The following CSPP1 variants were observed in gnomAD, a reference collection of about 807,000 sequenced individuals.
The protein encoded by CSPP1 is centrosome and spindle pole-associated protein 1.
CSPP1 carries 126 observed loss-of-function variants against 164.4 expected under a neutral mutation model. The ratio of observed to expected loss-of-function variants is 0.77; its 90% CI spans 0.66 to 0.89. CSPP1 has a LOEUF of 0.89. CSPP1 is among the 40% of genes least tolerant of loss of function. The pLI, the probability that CSPP1 is intolerant of heterozygous loss-of-function variation, is 0.00. For synonymous variants in CSPP1, 472 were observed against 476.7 expected (o/e 0.99, Z 0.13); for missense variants, 1,395 against 1,449.8 (o/e 0.96, Z 0.61).
At position 67,196,547 on chromosome 8, in the gene CSPP1, C is replaced by CTGAT. The variant is rs1297138658; in HGVS notation, c.*955_*958dup. Among the ~76,000 whole-genome samples, 7 of 152,322 alleles carry CTGAT rather than the reference C, an allele frequency of 4.6e-5. No homozygotes were observed. The South Asian group carries it at 6.2e-4, about 14-fold the overall frequency. On this transcript the variant is annotated 3_prime_UTR_variant, in exon 31 of 31. Coordinates refer to ENST00000678616, the MANE Select transcript of CSPP1 (RefSeq NM_001382391.1). Reference sequence around the variant, plus strand: ...GCTTCTCTCTCTAATAATACTTCCTCTGATGTAATTAACGGTTGGTAGACA... The same window carrying CTGAT: ...GCTTCTCTCTCTAATAATACTTCCTCTGATTGATGTAATTAACGGTTGGTAGACA...
At chr8:67,158,635 T>C in intron 20 of CSPP1, 39 bp downstream of exon 20, 5 of 1,528,388 alleles carry the variant, frequency 3.3e-6, no homozygotes, top group Non-Finnish European at 4.4e-6. Flanking sequence ...CTACTTAGTC[T>C]GAAGGTGAAA....
At chr8:67,121,659 A>G (rs1819002538) in intron 15 of CSPP1, among the ~76,000 whole-genome samples, 1 of 152,138 alleles carries the variant, frequency 6.6e-6, no homozygotes, top group African/African-American at 2.4e-5. Flanking sequence ...TATAAGCATA[A>G]TGTTGGGCTT....
chr8:67,080,119 C>T lies in CSPP1; in HGVS notation c.199+3538C>T, dbSNP rs568195504. Among the ~76,000 whole-genome samples, 5 of 152,318 alleles carry T rather than the reference C, an allele frequency of 3.3e-5. No homozygotes were observed. The South Asian group carries it at 6.2e-4, about 19-fold the overall frequency. On this transcript the variant is annotated intron_variant, in intron 3 of 30. Transcript: ENST00000678616. Reference sequence around the variant, plus strand: ...AAATTCAGTCAAATACATAGTTTCTCACACTGGGAAAAATGTAAAATTATT... The same window carrying T: ...AAATTCAGTCAAATACATAGTTTCTTACACTGGGAAAAATGTAAAATTATT...
intron 1 of CSPP1, among the ~76,000 whole-genome samples, chr8:67,067,830 TA>T (rs1379399907): frequency 6.6e-6 from 1 of 151,574 alleles, no homozygotes; most frequent in African/African-American, 2.4e-5. Flanking sequence ...CCATAAACAA[TA>T]AAAGAATTGA....
intron 8 of CSPP1, among the ~76,000 whole-genome samples, chr8:67,104,626 C>CT (rs1432527294): frequency 6.6e-6 from 1 of 150,950 alleles, no homozygotes; most frequent in Non-Finnish European, 1.5e-5. Context: ...TTTACGTGCA[C>CT]TTTTTTTCTT....
chr8:67,114,881 G>A (rs1481390259), intron 12 of CSPP1: 1 of 152,184 alleles, frequency 6.6e-6, no homozygotes, highest in Admixed American at 6.5e-5. Context: ...GAATAAATAA[G>A]TAATTGGAGG....
At chr8:67,106,398 T>C (rs2129547886) in intron 9 of CSPP1, among the ~76,000 whole-genome samples, 1 of 152,244 alleles carries the variant, frequency 6.6e-6, no homozygotes, top group Middle Eastern at 3.4e-3. Flanking sequence ...TTTTCTGCTT[T>C]TAAAAAGTAT....
chr8:67,143,658 T>A (rs914584674), intron 17 of CSPP1, among the ~76,000 whole-genome samples: 2 of 152,154 alleles, frequency 1.3e-5, no homozygotes, highest in African/African-American at 4.8e-5. Context: ...GTTAATTGTT[T>A]CCCTAAATAT....
intron 3 of CSPP1, among the ~76,000 whole-genome samples, chr8:67,078,927 A>C (rs1808537475): frequency 6.6e-6 from 1 of 152,072 alleles, no homozygotes. Context: ...GACCGAGATC[A>C]TGCCCCTGCA....
rs71249416 is a variant in CSPP1 at position 67,094,119 on chromosome 8, G to GAAAAA, written c.483+500_483+504dup. ...TGGGTGACAGAGCGAGACCTGGTCT[G>GAAAAA]AAAAAAAAAAAAAAAAAAAAAAAAA... On this transcript the variant is annotated intron_variant, in intron 6 of 30. Coordinates refer to ENST00000678616, the MANE Select transcript of CSPP1 (RefSeq NM_001382391.1). 1.7e-4 allele frequency among the ~76,000 whole-genome samples: 5 copies of GAAAAA among 29,442 alleles called. 1 individual carries two copies. The highest frequency in any genetic ancestry group is 3.0e-3 in the South Asian group (1 of 332). The allele number at this position is 29,442 out of a possible 152,430, so 19.3% of individuals were successfully genotyped here. A position where few individuals can be genotyped will look rare whatever the true frequency, so the allele number is the denominator to read the frequency against.
At chr8:67,179,729 TAGTC>T in intron 27 of CSPP1, 130 bp from the exon 28 acceptor site, 2 of 605,592 alleles carry the variant, frequency 3.3e-6, no homozygotes, top group Non-Finnish European at 5.9e-6. Flanking sequence ...CATTGGAATG[TAGTC>T]AGTCCTACCT....
At chr8:67,129,159 T>C (rs1212463159) in intron 15 of CSPP1, among the ~76,000 whole-genome samples, 4 of 152,142 alleles carry the variant, frequency 2.6e-5, no homozygotes, top group Non-Finnish European at 5.9e-5. Flanking sequence ...TGATTAAAAA[T>C]GTAATAAAAT....
intron 17 of CSPP1, among the ~76,000 whole-genome samples, chr8:67,149,391 C>G (rs1430712037): frequency 1.3e-5 from 2 of 152,138 alleles, no homozygotes; most frequent in African/African-American, 4.8e-5. Context: ...TTTTAAAACT[C>G]CACTCCACAT....
At chr8:67,179,455 T>A (rs1832490593) in intron 27 of CSPP1, among the ~76,000 whole-genome samples, 1 of 152,242 alleles carries the variant, frequency 6.6e-6, no homozygotes, top group Admixed American at 6.5e-5. Flanking sequence ...TACAGGTTTA[T>A]GGAAATTCGG....
At chr8:67,067,675 G>A (rs1426025302) in intron 1 of CSPP1, among the ~76,000 whole-genome samples, 2 of 151,644 alleles carry the variant, frequency 1.3e-5, no homozygotes, top group Non-Finnish European at 2.9e-5. Flanking sequence ...GTGTTAGCCA[G>A]GATGGTCTTG....
chr8:67,091,718 G>A, intron 4 of CSPP1, 85 bp from the exon 5 acceptor site: 2 of 400,324 alleles, frequency 5.0e-6, no homozygotes, highest in South Asian at 4.2e-5. Flanking sequence ...TACTAGTTTA[G>A]AATATAGAAT....
At chr8:67,156,657 AT>A (rs558576109) in intron 19 of CSPP1, among the ~76,000 whole-genome samples, 13 of 152,350 alleles carry the variant, frequency 8.5e-5, no homozygotes, top group Admixed American at 3.3e-4. Flanking sequence ...GTTAAAAAAA[AT>A]ATTATGAAAT....
chr8:67,182,454 C>A (rs1285713961), intron 28 of CSPP1, among the ~76,000 whole-genome samples: 1 of 152,136 alleles, frequency 6.6e-6, no homozygotes, highest in African/African-American at 2.4e-5. Flanking sequence ...AATAGGTGTA[C>A]AATTATCTGT....
rs1837814304 is a variant in CSPP1, at chr8:67,195,749, A to G, written c.*156A>G. Reference sequence around the variant, plus strand: ...TTTTATCATGATGTATATTATGTACATAAATAAAAGGCCATGATTATTGAT... The same window carrying G: ...TTTTATCATGATGTATATTATGTACGTAAATAAAAGGCCATGATTATTGAT... On this transcript the variant is annotated 3_prime_UTR_variant, in exon 31 of 31. Coordinates refer to ENST00000678616, the MANE Select transcript of CSPP1 (RefSeq NM_001382391.1). 3.3e-6 allele frequency: 2 copies of G among 614,276 alleles called. No individual in the cohort carries two copies. Among genetic ancestry groups the G allele is most frequent in the East Asian group, 5.6e-5 (2 of 35,642 alleles). The allele number at this position is 614,276 out of a possible 1,614,324, so 38.1% of individuals were successfully genotyped here.
Sources: gnomAD v4.1 joint callset for allele counts (sites outside exome capture counted in the v4.1 genomes callset) on GRCh38, gnomAD v4.1.1 for gene constraint, MANE v1.5 for transcripts, NCBI Gene and HGNC (gene_info 2026-07-23, HGNC 2026-07-21) for gene names.